Variants in MYLK observed in about 807,000 individuals in gnomAD.
MYLK encodes the protein myosin light chain kinase, smooth muscle.
Under a neutral mutation model 203.4 loss-of-function variants are expected in MYLK, and 106 were observed. The observed-to-expected ratio is 0.52, with a 90% CI of 0.45 to 0.61. MYLK has a LOEUF of 0.61. Ranked by LOEUF, MYLK falls within the 20% of genes least tolerant of loss-of-function variation. MYLK has a pLI of 0.00. For synonymous variants in MYLK, 867 were observed against 959.5 expected, an observed-to-expected ratio of 0.90 and a Z score of 1.78; for missense variants, 2,072 against 2,442.3, an observed-to-expected ratio of 0.85 and a Z score of 3.20.
chr3:123,692,352 G>C (rs1009290518), intron 19 of MYLK: 18 of 1,172,570 alleles, frequency 1.5e-5, no homozygotes, highest in Non-Finnish European at 1.8e-5. Context: ...CTGCTGGGTC[G>C]TCCTGCCAGC....
At chr3:123,868,377 T>C (rs995970572) in intron 2 of MYLK, among the ~76,000 whole-genome samples, 1 of 152,240 alleles carries the variant, frequency 6.6e-6, no homozygotes, top group Non-Finnish European at 1.5e-5. Flanking sequence ...CTTATAATAG[T>C]GGAATTAAAA....
chr3:123,864,628 T>C (rs2032186527), intron 2 of MYLK, among the ~76,000 whole-genome samples: 1 of 152,180 alleles, frequency 6.6e-6, no homozygotes, highest in Non-Finnish European at 1.5e-5. Flanking sequence ...TTATAGAAAT[T>C]AGTCCCTACA....
chr3:123,727,028 A>G (rs887202143), intron 11 of MYLK, among the ~76,000 whole-genome samples: 1 of 152,238 alleles, frequency 6.6e-6, no homozygotes, highest in Non-Finnish European at 1.5e-5. Flanking sequence ...AGGGCCTACT[A>G]TGTGCCAGGT....
intron 11 of MYLK, 81 bp downstream of exon 11, chr3:123,732,815 T>C (rs1472046475): frequency 2.9e-6 from 4 of 1,381,904 alleles, no homozygotes; most frequent in Middle Eastern, 2.4e-4. Context: ...CTATAGGAGA[T>C]GAACCATCTG....
chr3:123,837,461 TATATTATATATAC>T (rs1560279475), intron 2 of MYLK, among the ~76,000 whole-genome samples: 1 of 148,132 alleles, frequency 6.8e-6, no homozygotes, highest in Non-Finnish European at 1.5e-5. Flanking sequence ...TGAAGTTGTA[TATATTATATATAC>T]ATATTATATA....
chr3:123,846,430 T>A (rs563189715), intron 2 of MYLK, among the ~76,000 whole-genome samples: 1 of 152,352 alleles, frequency 6.6e-6, no homozygotes, highest in East Asian at 1.9e-4. Flanking sequence ...ATAACTATAG[T>A]TCTTTTACTG....
chr3:123,637,752 G>C (rs1159712522), intron 29 of MYLK, among the ~76,000 whole-genome samples: 1 of 152,058 alleles, frequency 6.6e-6, no homozygotes, highest in East Asian at 1.9e-4. Context: ...TTATTACTTG[G>C]TGCCAGCCAC....
intron 33 of MYLK, 40 bp from the exon 34 acceptor site, chr3:123,614,389 A>C (rs761501066): frequency 1.2e-6 from 2 of 1,613,348 alleles, no homozygotes; most frequent in Non-Finnish European, 1.7e-6. Context: ...AGGAACTGTT[A>C]TTCAAAATTT....
intron 13 of MYLK, among the ~76,000 whole-genome samples, chr3:123,718,314 T>C (rs2061974334): frequency 6.6e-6 from 1 of 152,096 alleles, no homozygotes; most frequent in Admixed American, 6.5e-5. Flanking sequence ...AGGGAATGCA[T>C]GCTCCCATGG....
At chr3:123,796,949 A>G (rs1403015352) in intron 3 of MYLK, among the ~76,000 whole-genome samples, 2 of 152,206 alleles carry the variant, frequency 1.3e-5, no homozygotes, top group Non-Finnish European at 2.9e-5. Flanking sequence ...ATACAGCCCA[A>G]AATTTATTTA....
At chr3:123,618,185 G>T in intron 33 of MYLK, 1 of 208,146 alleles carries the variant, frequency 4.8e-6, no homozygotes. Flanking sequence ...AGGGGAGTTG[G>T]ACCACCATCC....
At chr3:123,633,353 C>T (rs1443388380) in intron 29 of MYLK, among the ~76,000 whole-genome samples, 1 of 152,066 alleles carries the variant, frequency 6.6e-6, no homozygotes, top group Non-Finnish European at 1.5e-5. Context: ...TCTCAAACTC[C>T]TGGGCTCAGG....
At chr3:123,725,591 T>G (rs1377089073) in intron 12 of MYLK, among the ~76,000 whole-genome samples, 1 of 152,234 alleles carries the variant, frequency 6.6e-6, no homozygotes, top group Non-Finnish European at 1.5e-5. Context: ...GAGGGCCTAC[T>G]ATGAGTTTGG....
chr3:123,644,034 G>A (rs1036900303), intron 27 of MYLK, among the ~76,000 whole-genome samples: 4 of 152,220 alleles, frequency 2.6e-5, no homozygotes, highest in Non-Finnish European at 5.9e-5. Context: ...ACTACTATAT[G>A]GTGGGGGCTC....
Position 123,734,232 on chromosome 3 carries a change from G to T in MYLK, c.774-10C>A. 1 of 1,519,676 alleles carries T rather than the reference G, an allele frequency of 6.6e-7. No individual in the cohort carries two copies. The highest frequency in any genetic ancestry group is 1.3e-5 in the South Asian group (1 of 76,604). 94.1% of individuals were successfully genotyped at this position (1,519,676 alleles called of 1,614,324 possible). On this transcript the variant is annotated splice_polypyrimidine_tract_variant and intron_variant, in intron 9 of 33. Coordinates refer to ENST00000360304, the MANE Select transcript of MYLK (RefSeq NM_053025.4). Reference sequence around the variant, plus strand: ...TTCTCTCACAAATGACCTGTGTGGTGGTGAGGGTGGGGGTAGGGTGGGTGA... The same window carrying T: ...TTCTCTCACAAATGACCTGTGTGGTTGTGAGGGTGGGGGTAGGGTGGGTGA...
intron 2 of MYLK, among the ~76,000 whole-genome samples, chr3:123,841,805 A>T (rs1055438464): frequency 5.9e-5 from 9 of 152,210 alleles, no homozygotes; most frequent in African/African-American, 2.2e-4. Flanking sequence ...GAGTGTCAGG[A>T]AGATATAACA....
At chr3:123,635,087 C>T (rs2058589284) in intron 29 of MYLK, among the ~76,000 whole-genome samples, 1 of 152,220 alleles carries the variant, frequency 6.6e-6, no homozygotes, top group South Asian at 2.1e-4. Context: ...CTGTTGCCTT[C>T]CCTTCCAACT....
intron 3 of MYLK, among the ~76,000 whole-genome samples, chr3:123,798,872 A>G (rs2065086170): frequency 6.6e-6 from 1 of 152,192 alleles, no homozygotes; most frequent in African/African-American, 2.4e-5. Flanking sequence ...CATATGTGGA[A>G]TGCTCTATCA....
Position 123,649,188 on chromosome 3 carries a change from T to C in MYLK, c.4295A>G (p.Lys1432Arg). Residue 1432 changes from lysine to arginine, a missense_variant, in exon 25 of 34, where the codon AAG becomes AGG. By Grantham distance (26) the Lys-to-Arg change is conservative. Coordinates refer to ENST00000360304, the MANE Select transcript of MYLK (RefSeq NM_053025.4). ...ATCATCTGACACCTCCACTTCATCCTTCGGCTCTGGGGGGGGCACAAGGAA... is the reference window on the plus strand; with the variant it reads ...ATCATCTGACACCTCCACTTCATCCCTCGGCTCTGGGGGGGGCACAAGGAA... ...TTVGEKPEEPKDEVEVSDDDE... is the reference protein window; with the variant it reads ...TTVGEKPEEPRDEVEVSDDDE... The C allele has an allele frequency of 6.2e-7, 1 of 1,612,388 alleles. No individual in the cohort carries two copies. Among genetic ancestry groups the C allele is most frequent in the Non-Finnish European group, 8.5e-7 (1 of 1,179,882 alleles).
Sources: gnomAD v4.1 joint callset for allele counts (sites outside exome capture counted in the v4.1 genomes callset) on GRCh38, gnomAD v4.1.1 for gene constraint, MANE v1.5 for transcripts, NCBI Gene and HGNC (gene_info 2026-07-23, HGNC 2026-07-21) for gene names.